The following ADGRL3 variants were observed in gnomAD, a reference collection of about 807,000 sequenced individuals.
ADGRL3 encodes the protein adhesion G protein-coupled receptor L3.
Under a neutral mutation model 153.5 loss-of-function variants are expected in ADGRL3, and 62 were observed. The ratio of observed to expected loss-of-function variants is 0.40; its 90% CI spans 0.33 to 0.50. The LOEUF is 0.50. ADGRL3 is among the 20% of genes least tolerant of loss of function. ADGRL3 has a pLI of 0.47. For synonymous variants in ADGRL3, 710 were observed against 672.5 expected (o/e 1.06, Z -0.86); for missense variants, 1,641 against 1,859.4 (o/e 0.88, Z 2.16).
intron 1 of ADGRL3, among the ~76,000 whole-genome samples, chr4:61,297,813 G>A (rs941198144): frequency 3.3e-5 from 5 of 151,552 alleles, no homozygotes; most frequent in East Asian, 1.9e-4. Flanking sequence ...CACCGCCACC[G>A]TCACTACCGT....
intron 1 of ADGRL3, among the ~76,000 whole-genome samples, chr4:61,379,751 C>A (rs920007431): frequency 6.6e-6 from 1 of 151,932 alleles, no homozygotes; most frequent in Non-Finnish European, 1.5e-5. Context: ...TAATGGGATT[C>A]CTGGAATCTT....
intron 21 of ADGRL3, among the ~76,000 whole-genome samples, chr4:62,005,753 A>G (rs1352525497): frequency 6.6e-6 from 1 of 151,778 alleles, no homozygotes; most frequent in Non-Finnish European, 1.5e-5. Context: ...AGAGTAGAAT[A>G]AATCAGAGAA....
intron 1 of ADGRL3, among the ~76,000 whole-genome samples, chr4:61,373,939 A>T (rs1241333709): frequency 6.6e-6 from 1 of 152,226 alleles, no homozygotes; most frequent in Admixed American, 6.5e-5. Flanking sequence ...TAGACATAAA[A>T]TATAAATACT....
chr4:61,817,496 C>T lies in ADGRL3; in HGVS notation c.1480+3607C>T, dbSNP rs530766296. Among the ~76,000 whole-genome samples the T allele has an allele frequency of 1.2e-4, 18 of 152,288 alleles. No individual in the cohort carries two copies. In the South Asian group the frequency reaches 1.9e-3, roughly 16 times the overall value. The stretch of plus-strand genomic sequence containing the variant: ...GAAGGGAGCCACCCACTGCCAGTCT[C>T]CTCTCCACTGAGAGCTGAACACTCA... On this transcript the variant is annotated intron_variant, in intron 9 of 26. Coordinates refer to ENST00000683033, the MANE Select transcript of ADGRL3 (RefSeq NM_001387552.1).
intron 5 of ADGRL3, among the ~76,000 whole-genome samples, chr4:61,623,381 A>G (rs1489536447): frequency 2.0e-5 from 3 of 151,994 alleles, no homozygotes; most frequent in Non-Finnish European, 4.4e-5. Context: ...ACTTATCTTT[A>G]ATTTTTTTTA....
In ADGRL3 at chr4:61,587,279, T is replaced by C; in HGVS notation, c.312T>C (p.Cys104=). 1 of 1,610,812 alleles carries C rather than the reference T, an allele frequency of 6.2e-7. No individual in the cohort carries two copies. Among genetic ancestry groups the C allele is most frequent in the South Asian group, 1.1e-5 (1 of 90,642 alleles). ...CTGTGGTCCGCAGAGAGCTATCCTG[T>C]GAGAGCTATCCTATAGAGCTTCGCT... is the stretch of plus-strand genomic sequence containing the variant. ...PMAVVRRELS[C]ESYPIELRCP... The change falls in exon 5 of 27, where the codon TGT becomes TGC. Residue 104 remains cysteine, a synonymous_variant. Coordinates refer to ENST00000683033, the MANE Select transcript of ADGRL3 (RefSeq NM_001387552.1).
chr4:61,656,292 A>G (rs1443011945), intron 5 of ADGRL3, among the ~76,000 whole-genome samples: 2 of 152,180 alleles, frequency 1.3e-5, no homozygotes, highest in Admixed American at 1.3e-4. Context: ...TGATTTCTAT[A>G]TGAAGCTAAA....
chr4:61,361,288 T>C (rs1171701680), intron 1 of ADGRL3, among the ~76,000 whole-genome samples: 4 of 152,152 alleles, frequency 2.6e-5, no homozygotes, highest in Non-Finnish European at 5.9e-5. Flanking sequence ...ACAGTGTTAA[T>C]ATGCATTAAG....
chr4:61,635,377 A>C (rs1437080085), intron 5 of ADGRL3, among the ~76,000 whole-genome samples: 2 of 152,138 alleles, frequency 1.3e-5, no homozygotes, highest in Non-Finnish European at 1.5e-5. Context: ...CTTCTACCTC[A>C]CAAGTGCAGT....
intron 4 of ADGRL3, among the ~76,000 whole-genome samples, chr4:61,573,799 C>T (rs1025999869): frequency 3.3e-5 from 5 of 151,888 alleles, no homozygotes; most frequent in African/African-American, 1.2e-4. Context: ...CACTGTGCTA[C>T]AAGCTTGGAC....
intron 1 of ADGRL3, among the ~76,000 whole-genome samples, chr4:61,307,670 A>T (rs2094844029): frequency 1.3e-5 from 2 of 152,346 alleles, no homozygotes; most frequent in African/African-American, 2.4e-5. Context: ...TTCAAAAAGT[A>T]TCAGAACAAA....
rs548431186 is a variant in ADGRL3 at position 61,318,700 on chromosome 4, TG to T, written c.-239-64422del. Among the ~76,000 whole-genome samples the T allele has an allele frequency of 9.6e-4, 146 of 152,310 alleles. 2 individuals carry two copies. The highest frequency in any genetic ancestry group is 1.8e-3 in the Non-Finnish European group (121 of 68,026). On this transcript the variant is annotated intron_variant, in intron 1 of 26. Coordinates refer to ENST00000683033, the MANE Select transcript of ADGRL3 (RefSeq NM_001387552.1). ...CCATTAGAGACCTTCATCAGGGTAA[TG>T]GCTCTGCACCACCCTAGTACACTAC...
At chr4:61,582,713 A>G (rs535498214) in intron 4 of ADGRL3, among the ~76,000 whole-genome samples, 2 of 151,934 alleles carry the variant, frequency 1.3e-5, no homozygotes, top group South Asian at 2.1e-4. Context: ...TGTTTGATTC[A>G]TCTATCATGT....
intron 6 of ADGRL3, among the ~76,000 whole-genome samples, chr4:61,720,131 C>T (rs952412732): frequency 1.8e-4 from 27 of 151,440 alleles, no homozygotes; most frequent in Admixed American, 3.9e-4. Flanking sequence ...ACACTGTCAC[C>T]CAGGCTGGAG....
intron 6 of ADGRL3, among the ~76,000 whole-genome samples, chr4:61,718,916 C>T (rs913730515): frequency 1.3e-5 from 2 of 152,174 alleles, no homozygotes; most frequent in African/African-American, 4.8e-5. Context: ...TAATTTGACA[C>T]ATTTCACTAA....
At chr4:61,933,137 A>G (rs1346620862) in intron 13 of ADGRL3, among the ~76,000 whole-genome samples, 2 of 152,114 alleles carry the variant, frequency 1.3e-5, no homozygotes, top group East Asian at 1.9e-4. Context: ...AGGAACAGAC[A>G]TAATTTCTGT....
chr4:61,904,223 A>G (rs1452919566), intron 11 of ADGRL3, among the ~76,000 whole-genome samples: 3 of 145,834 alleles, frequency 2.1e-5, no homozygotes, highest in Non-Finnish European at 3.0e-5. Flanking sequence ...TACTGTTACT[A>G]TTTTCAAGAG....
intron 2 of ADGRL3, among the ~76,000 whole-genome samples, chr4:61,414,815 T>A (rs550756678): frequency 1.3e-5 from 2 of 152,088 alleles, no homozygotes; most frequent in South Asian, 4.1e-4. Context: ...TAGTGTCTTG[T>A]AAAGGACATA....
intron 4 of ADGRL3, among the ~76,000 whole-genome samples, chr4:61,530,686 G>T (rs867894564): frequency 2.0e-5 from 3 of 152,106 alleles, no homozygotes; most frequent in African/African-American, 7.2e-5. Context: ...CTATAGTGCT[G>T]CATTAATTTT....
Sources: gnomAD v4.1 joint callset for allele counts (sites outside exome capture counted in the v4.1 genomes callset) on GRCh38, gnomAD v4.1.1 for gene constraint, MANE v1.5 for transcripts, NCBI Gene and HGNC (gene_info 2026-07-23, HGNC 2026-07-21) for gene names.